SHISA6: variants seen among roughly 807,000 people sequenced by gnomAD.
The protein encoded by SHISA6 is protein shisa-6.
Under a neutral mutation model 47.9 loss-of-function variants are expected in SHISA6, and 22 were observed. The ratio of observed to expected loss-of-function variants is 0.46; its 90% CI spans 0.33 to 0.66. SHISA6 has a LOEUF of 0.66. Among genes scored for constraint, SHISA6 ranks in the 30% least tolerant of loss-of-function variants. The pLI is 0.02. For synonymous variants in SHISA6, 388 were observed against 337.8 expected, an observed-to-expected ratio of 1.15 and a Z score of -1.63; for missense variants, 680 against 764.6, an observed-to-expected ratio of 0.89 and a Z score of 1.30.
At chr17:11,557,328 C>A (rs4792149) in intron 5 of SHISA6, among the ~76,000 whole-genome samples, 36,658 of 152,074 alleles carry the variant, frequency 0.24, 4,896 homozygotes, top group East Asian at 0.31. Flanking sequence ...TGTTTCAGGA[C>A]CATGGTGTGG....
intron 2 of SHISA6, among the ~76,000 whole-genome samples, chr17:11,278,159 G>C (rs953798742): frequency 6.6e-6 from 1 of 152,170 alleles, no homozygotes; most frequent in African/African-American, 2.4e-5. Context: ...CAGTTATGTC[G>C]CTAGATGGAC....
chr17:11,515,891 T>C (rs2071581907), intron 3 of SHISA6, among the ~76,000 whole-genome samples: 1 of 152,174 alleles, frequency 6.6e-6, no homozygotes. Flanking sequence ...GTTGTCACAA[T>C]GCAGACTTCT....
At chr17:11,397,334 A>G (rs910126682) in intron 3 of SHISA6, among the ~76,000 whole-genome samples, 9 of 147,888 alleles carry the variant, frequency 6.1e-5, no homozygotes, top group African/African-American at 2.3e-4. Flanking sequence ...TTTTAGTTGC[A>G]TTATTTCTAC....
At chr17:11,536,215 G>A (rs934776350) in intron 3 of SHISA6, among the ~76,000 whole-genome samples, 4 of 152,146 alleles carry the variant, frequency 2.6e-5, no homozygotes, top group African/African-American at 9.7e-5. Context: ...ACTTAAGGGA[G>A]CTATGATAGT....
chr17:11,262,203 C>G (rs989549192), intron 1 of SHISA6, among the ~76,000 whole-genome samples: 1 of 152,180 alleles, frequency 6.6e-6, no homozygotes, highest in Non-Finnish European at 1.5e-5. Context: ...ACAATTTACT[C>G]AGATGCATTT....
rs527278569 is a variant in SHISA6, at chr17:11,464,903, T to C, written c.895+85394T>C. Among the ~76,000 whole-genome samples, 22 of 150,558 alleles carry C rather than the reference T, an allele frequency of 1.5e-4. No individual in the cohort carries two copies. In the South Asian group the frequency reaches 4.6e-3, roughly 32 times the overall value. ...GTTGCAGTGAGCCAAGATCATGCCATTGCACTCCAGCCTGGGTGACAAGAG... is the reference window on the plus strand; with the variant it reads ...GTTGCAGTGAGCCAAGATCATGCCACTGCACTCCAGCCTGGGTGACAAGAG... On this transcript the variant is annotated intron_variant, in intron 3 of 5. Coordinates refer to ENST00000441885, the MANE Select transcript of SHISA6 (RefSeq NM_207386.4).
intron 3 of SHISA6, among the ~76,000 whole-genome samples, chr17:11,403,973 C>G (rs1379146268): frequency 6.6e-6 from 1 of 152,154 alleles, no homozygotes; most frequent in Non-Finnish European, 1.5e-5. Flanking sequence ...GGCCCTGAGG[C>G]CACACCCCAA....
At position 11,512,342 on chromosome 17, in the gene SHISA6, T is replaced by G. The variant is rs149559856; in HGVS notation, c.896-39554T>G. Among the ~76,000 whole-genome samples the G allele has an allele frequency of 4.5e-3, 688 of 152,326 alleles. 8 individuals carry two copies. The highest frequency in any genetic ancestry group is 0.016 in the African/African-American group (674 of 41,576). On this transcript the variant is annotated intron_variant, in intron 3 of 5. Transcript: ENST00000441885. ...TGCCTTAGCTCCCCGTACAGGACAC[T>G]TATAGACAAGTACACCACCTAGTTA...
At chr17:11,538,419 C>A (rs1421465876) in intron 3 of SHISA6, among the ~76,000 whole-genome samples, 1 of 152,076 alleles carries the variant, frequency 6.6e-6, no homozygotes, top group Admixed American at 6.6e-5. Flanking sequence ...AGGAGAAGAA[C>A]AATCAAAGTG....
intron 3 of SHISA6, among the ~76,000 whole-genome samples, chr17:11,401,272 T>C (rs1284017096): frequency 6.6e-6 from 1 of 152,232 alleles, no homozygotes; most frequent in Non-Finnish European, 1.5e-5. Flanking sequence ...CTCCCCTCAC[T>C]GCAACTTCTG....
At chr17:11,447,804 C>T (rs778925334) in intron 3 of SHISA6, among the ~76,000 whole-genome samples, 1 of 152,140 alleles carries the variant, frequency 6.6e-6, no homozygotes, top group Non-Finnish European at 1.5e-5. Context: ...TGGTGGCTGG[C>T]ATGTTTTGCT....
chr17:11,379,720 A>T (rs995442704), intron 3 of SHISA6: 8 of 416,430 alleles, frequency 1.9e-5, no homozygotes, highest in Admixed American at 9.9e-5. Flanking sequence ...CTTCCAAGAG[A>T]CACCCATCCC....
intron 1 of SHISA6, among the ~76,000 whole-genome samples, 157 bp downstream of exon 1, chr17:11,242,217 C>T (rs1907396010): frequency 6.6e-6 from 1 of 152,212 alleles, no homozygotes; most frequent in Admixed American, 6.5e-5. Context: ...TCAGGGTCTT[C>T]TTGTGCCCCC....
chr17:11,371,707 T>A (rs894429125), intron 2 of SHISA6, among the ~76,000 whole-genome samples: 4 of 151,902 alleles, frequency 2.6e-5, no homozygotes, highest in African/African-American at 9.7e-5. Context: ...TTGTTGTTGT[T>A]GTTTTCAAAT....
At chr17:11,404,164 A>C (rs1913869386) in intron 3 of SHISA6, among the ~76,000 whole-genome samples, 1 of 152,252 alleles carries the variant, frequency 6.6e-6, no homozygotes, top group African/African-American at 2.4e-5. Flanking sequence ...GGCAATTCTG[A>C]AACTCCTGTC....
At chr17:11,390,231 G>A (rs1484316249) in intron 3 of SHISA6, among the ~76,000 whole-genome samples, 1 of 152,204 alleles carries the variant, frequency 6.6e-6, no homozygotes, top group African/African-American at 2.4e-5. Flanking sequence ...AGTCAGACAT[G>A]CTGGACTTCT....
intron 2 of SHISA6, among the ~76,000 whole-genome samples, chr17:11,327,626 G>T (rs1239613652): frequency 1.3e-5 from 2 of 152,122 alleles, no homozygotes; most frequent in Middle Eastern, 3.2e-3. Context: ...GCAAAACCCC[G>T]TCTCCACTAA....
At chr17:11,338,696 G>A (rs1432408124) in intron 2 of SHISA6, among the ~76,000 whole-genome samples, 1 of 151,942 alleles carries the variant, frequency 6.6e-6, no homozygotes, top group Non-Finnish European at 1.5e-5. Flanking sequence ...CATTACAGGC[G>A]TGAGCCACTA....
At chr17:11,284,127 C>T (rs2054456072) in intron 2 of SHISA6, among the ~76,000 whole-genome samples, 1 of 152,106 alleles carries the variant, frequency 6.6e-6, no homozygotes, top group Non-Finnish European at 1.5e-5. Context: ...CAATCCTCCC[C>T]CTACCTCATC....
Sources: gnomAD v4.1 joint callset for allele counts (sites outside exome capture counted in the v4.1 genomes callset) on GRCh38, gnomAD v4.1.1 for gene constraint, MANE v1.5 for transcripts, NCBI Gene and HGNC (gene_info 2026-07-23, HGNC 2026-07-21) for gene names.